The following TXNDC2 variants were observed in gnomAD, a reference collection of about 807,000 sequenced individuals.
TXNDC2 encodes the protein thioredoxin domain-containing protein 2.
Under a neutral mutation model 0.4 loss-of-function variants are expected in TXNDC2, and 1 was observed. The observed-to-expected ratio is 2.30, with a 90% CI of 0.82 to 10.89. The LOEUF (loss-of-function observed/expected upper bound fraction) is 10.89. Ranked by LOEUF, TXNDC2 falls within the 30% of genes most tolerant of loss-of-function variation. TXNDC2 has a pLI of 0.12. For synonymous variants in TXNDC2, 183 were observed against 224.6 expected, an observed-to-expected ratio of 0.81 and a Z score of 1.66; for missense variants, 509 against 579.8, an observed-to-expected ratio of 0.88 and a Z score of 1.25.
rs2068968507 is a variant in TXNDC2, at chr18:9,887,670, C to G, written c.990C>G (p.Ile330Met). 1 of 1,610,560 alleles carries G rather than the reference C, an allele frequency of 6.2e-7. No individual in the cohort carries two copies. Among genetic ancestry groups the G allele is most frequent in the African/African-American group, 1.3e-5 (1 of 74,604 alleles). The change falls in exon 2 of 2, where the codon ATC (isoleucine) becomes ATG (methionine). Residue 330 changes from isoleucine to methionine, a missense_variant. Coordinates refer to ENST00000357775, the MANE Select transcript of TXNDC2 (RefSeq NM_032243.6). ...TTCCCAAGTCCCTAGAGGAAGCCAT[C>G]CCACCCAAGGAGATTGACATCCCCA... ...GDIPKSLEEA[I>M]PPKEIDIPKS...
Position 9,887,775 on chromosome 18 carries a change from T to C in TXNDC2, c.1095T>C (p.Gly365=), listed in dbSNP as rs1411581039. The C allele has an allele frequency of 6.2e-7, 1 of 1,613,408 alleles. No homozygotes were observed. Among genetic ancestry groups the C allele is most frequent in the East Asian group, 2.2e-5 (1 of 44,886 alleles). The stretch of plus-strand genomic sequence containing the variant: ...AAGAAGCCACCCCATCCAAGGAGGG[T>C]GACATCCTAAAGCCTGAAGAAGAAA... The part of the protein sequence containing the change: ...SLEEATPSKE[G]DILKPEEETM... The change falls in exon 2 of 2, where the codon GGT becomes GGC. Residue 365 remains glycine, a synonymous_variant. Transcript: ENST00000357775.
In TXNDC2 at chr18:9,888,922, G is replaced by C. The variant is rs1169776462; in HGVS notation, c.*781G>C. On this transcript the variant is annotated 3_prime_UTR_variant, in exon 2 of 2. Transcript: ENST00000357775. ...TCCTCTGACTTTTTTACTTAAATTT[G>C]TTCTTATTTTCAATATTGAACAAGC... 19 of 152,014 alleles carry C rather than the reference G, an allele frequency of 1.2e-4. No individual in the cohort carries two copies. Among genetic ancestry groups the C allele is most frequent in the African/African-American group, 2.4e-5 (1 of 41,368 alleles). The allele number at this position is 152,014 out of a possible 1,614,324, so 9.4% of individuals were successfully genotyped here.
chr18:9,886,123 A>G, intron 1 of TXNDC2, 43 bp downstream of exon 1: 1 of 1,484,266 alleles, frequency 6.7e-7, no homozygotes, highest in Non-Finnish European at 9.3e-7. Context: ...GATAGCTTGG[A>G]AAAAGTTGGA....
At chr18:9,886,238 A>G in intron 1 of TXNDC2, 158 bp downstream of exon 1, 1 of 1,614,100 alleles carries the variant, frequency 6.2e-7, no homozygotes, top group Non-Finnish European at 8.5e-7. Flanking sequence ...AAAACCAGAA[A>G]TGAGGCTGGG....
rs1599082999 is a variant in TXNDC2, at chr18:9,888,091, T to C, written c.1411T>C (p.Cys471Arg). The change falls in exon 2 of 2, where the codon TGC becomes CGC. Residue 471 changes from cysteine to arginine, a missense_variant. By Grantham distance (180) the Cys-to-Arg change is radical. Around this residue, in one of 5 missense-constraint regions of TXNDC2, gnomAD observed 229 missense variants for 243.8 expected, o/e 0.94. Coordinates refer to ENST00000357775, the MANE Select transcript of TXNDC2 (RefSeq NM_032243.6). ...AAAAGAAGAAAAGGTGGATGAACTT[T>C]GCGGCGCCCTTAAGGAAAAACTTGA... ...YKKEEKVDEL[C>R]GALKEKLEAV... 6.2e-7 allele frequency: 1 copy of C among 1,614,020 alleles called. No individual in the cohort carries two copies. The highest frequency in any genetic ancestry group is 2.2e-5 in the East Asian group (1 of 44,874).
At position 9,887,406 on chromosome 18, in the gene TXNDC2, CAAGGAGGGTG is replaced by C; in HGVS notation, c.728_737del (p.Lys243ThrfsTer21). 6 of 1,027,424 alleles carry C rather than the reference CAAGGAGGGTG, an allele frequency of 5.8e-6. No individual in the cohort carries two copies. The highest frequency in any genetic ancestry group is 8.1e-6 in the Non-Finnish European group (6 of 743,020). The allele number at this position is 1,027,424 out of a possible 1,614,324, so 63.6% of individuals were successfully genotyped here. The stretch of plus-strand genomic sequence containing the variant: ...AGTCCCTAGAGGAAGCCATCCAGCC[CAAGGAGGGTG>C]ACATCCCCAAGTCCCCAGAAGAAGC... On this transcript the variant is annotated frameshift_variant, in exon 2 of 2. Coordinates refer to ENST00000357775, the MANE Select transcript of TXNDC2 (RefSeq NM_032243.6). LOFTEE classifies it low-confidence loss of function (END_TRUNC).
Position 9,886,076 on chromosome 18 carries a change from C to A in TXNDC2, c.-97C>A. On this transcript the variant is annotated 5_prime_UTR_variant, in exon 1 of 2. Transcript: ENST00000357775. ...GGAAAACCAACTGTAACGTGCCACC[C>A]AAATGTAAGTTTTACTCATATTTTG... 1.1e-6 allele frequency: 1 copy of A among 947,994 alleles called. No individual in the cohort carries two copies. The highest frequency in any genetic ancestry group is 1.6e-6 in the Non-Finnish European group (1 of 614,476). 58.7% of individuals were successfully genotyped at this position (947,994 alleles called of 1,614,324 possible). A position where few individuals can be genotyped will look rare whatever the true frequency, so the allele number is the denominator to read the frequency against.
chr18:9,888,028 T>A lies in TXNDC2; in HGVS notation c.1348T>A (p.Cys450Ser). The change falls in exon 2 of 2, where the codon TGC becomes AGC. Residue 450 changes from cysteine (C) to serine (S), a missense_variant. Cys to Ser is a moderately radical substitution (Grantham distance 112, BLOSUM62 -1). This residue lies in a region of TXNDC2 where 229 missense variants were observed against 243.8 expected (regional missense o/e 0.94). Coordinates refer to ENST00000357775, the MANE Select transcript of TXNDC2 (RefSeq NM_032243.6). ...ADNCEEVVRE[C>S]AIMCVPTFQF... ...CAACTGTGAGGAGGTGGTGAGAGAGTGCGCCATCATGTGTGTCCCAACCTT... is the reference window on the plus strand; with the variant it reads ...CAACTGTGAGGAGGTGGTGAGAGAGAGCGCCATCATGTGTGTCCCAACCTT... The A allele has an allele frequency of 6.2e-7, 1 of 1,614,028 alleles. No individual in the cohort carries two copies. Among genetic ancestry groups the A allele is most frequent in the African/African-American group, 1.3e-5 (1 of 74,992 alleles).
rs187743201 is a variant in TXNDC2, at chr18:9,886,889, C to A, written c.209C>A (p.Ser70Tyr). Residue 70 changes from serine to tyrosine, a missense_variant, in exon 2 of 2, where the codon TCC becomes TAC. By Grantham distance (144) the Ser-to-Tyr change is moderately radical. Around this residue, in one of 5 missense-constraint regions of TXNDC2, gnomAD observed 187 missense variants for 218.0 expected, o/e 0.86. Transcript: ENST00000357775. ...TCCAAGAAGGAGGACCTCCCCAAGT[C>A]CTCAGAAAAAGCCATCCAGCCCAAA... ...IQSKKEDLPKSSEKAIQPKES... is the reference protein window; with the variant it reads ...IQSKKEDLPKYSEKAIQPKES... 2 of 1,606,224 alleles carry A rather than the reference C, an allele frequency of 1.2e-6. No individual in the cohort carries two copies. Among genetic ancestry groups the A allele is most frequent in the African/African-American group, 2.7e-5 (2 of 74,152 alleles).
At position 9,888,295 on chromosome 18, in the gene TXNDC2, A is replaced by C; in HGVS notation, c.*154A>C. 1.6e-6 allele frequency: 1 copy of C among 619,318 alleles called. No homozygotes were observed. Among genetic ancestry groups the C allele is most frequent in the Non-Finnish European group, 2.7e-6 (1 of 369,450 alleles). The allele number at this position is 619,318 out of a possible 1,614,324, so 38.4% of individuals were successfully genotyped here. A position where few individuals can be genotyped will look rare whatever the true frequency, so the allele number is the denominator to read the frequency against. ...ATTAACTCTACCCTTTTCAAAAAAC[A>C]GTCCAAGCATTAAAGTACATTGCGA... On this transcript the variant is annotated 3_prime_UTR_variant, in exon 2 of 2. Transcript: ENST00000357775.
chr18:9,887,730 T>C lies in TXNDC2; in HGVS notation c.1050T>C (p.Asp350=). Residue 350 remains aspartate (D), a synonymous_variant, in exon 2 of 2, where the codon GAT becomes GAC. Transcript: ENST00000357775. ...SPEETIQPKE[D]DSPKSLEEAT... is the part of the protein sequence containing the mutation. ...AAGAAACCATCCAGCCCAAGGAGGA[T>C]GACAGCCCCAAGTCCCTAGAAGAAG... 1 of 1,614,074 alleles carries C rather than the reference T, an allele frequency of 6.2e-7. No homozygotes were observed. Among genetic ancestry groups the C allele is most frequent in the East Asian group, 2.2e-5 (1 of 44,890 alleles).
At position 9,887,204 on chromosome 18, in the gene TXNDC2, C is replaced by T; in HGVS notation, c.524C>T (p.Ser175Phe). 3.1e-6 allele frequency: 5 copies of T among 1,592,156 alleles called. No individual in the cohort carries two copies. The highest frequency in any genetic ancestry group is 2.3e-5 in the East Asian group (1 of 44,398). The change falls in exon 2 of 2, where the codon TCC becomes TTC. Residue 175 changes from serine (S) to phenylalanine (F), a missense_variant. Physicochemically the swap from Ser to Phe is radical, Grantham distance 155. This residue lies in a region of TXNDC2 where 187 missense variants were observed against 218.0 expected (regional missense o/e 0.86). Coordinates refer to ENST00000357775, the MANE Select transcript of TXNDC2 (RefSeq NM_032243.6). ...SQPKESDIPK[S>F]PEETIQPKEG... ...CCCAAGGAGAGTGATATCCCCAAGT[C>T]CCCAGAAGAAACCATCCAGCCCAAG...
In TXNDC2 at chr18:9,887,556, C is replaced by T. The variant is rs753150992; in HGVS notation, c.876C>T (p.Ile292=). The T allele has an allele frequency of 4.1e-5, 66 of 1,590,858 alleles. No individual in the cohort carries two copies. Among genetic ancestry groups the T allele is most frequent in the Non-Finnish European group, 5.2e-5 (61 of 1,167,438 alleles). Reference sequence around the variant, plus strand: ...CCATCCAGCCCAAGAAGGGTGACATCCCCAAGTCCCCAGAAGAAGCCATCC... The same window carrying T: ...CCATCCAGCCCAAGAAGGGTGACATTCCCAAGTCCCCAGAAGAAGCCATCC... ...EETIQPKKGD[I]PKSPEEAIQP... Residue 292 remains isoleucine (I), a synonymous_variant, in exon 2 of 2, where the codon ATC becomes ATT. Coordinates refer to ENST00000357775, the MANE Select transcript of TXNDC2 (RefSeq NM_032243.6).
At position 9,886,064 on chromosome 18, in the gene TXNDC2, T is replaced by TA; in HGVS notation, c.-107dup. On this transcript the variant is annotated 5_prime_UTR_variant, in exon 1 of 2. Coordinates refer to ENST00000357775, the MANE Select transcript of TXNDC2 (RefSeq NM_032243.6). ...GAATACAGAGAGGGAAAACCAACTG[T>TA]AACGTGCCACCCAAATGTAAGTTTT... The TA allele has an allele frequency of 1.2e-6, 1 of 838,342 alleles. No homozygotes were observed. The highest frequency in any genetic ancestry group is 1.9e-6 in the Non-Finnish European group (1 of 524,530). The allele number at this position is 838,342 out of a possible 1,614,324, so 51.9% of individuals were successfully genotyped here.
Position 9,887,886 on chromosome 18 carries a change from G to A in TXNDC2, c.1206G>A (p.Arg402=). The A allele has an allele frequency of 3.7e-6, 6 of 1,612,594 alleles. No individual in the cohort carries two copies. The highest frequency in any genetic ancestry group is 5.1e-6 in the Non-Finnish European group (6 of 1,178,848). ...CATCACTGAAGGAGGCCGGGGAGAG[G>A]CTGGTGGCTGTGGACTTCTCGGCCA... ...FEASLKEAGE[R]LVAVDFSATW... The change falls in exon 2 of 2, where the codon AGG becomes AGA. Residue 402 remains arginine, a synonymous_variant. Transcript: ENST00000357775.
At position 9,888,109 on chromosome 18, in the gene TXNDC2, A is replaced by G. The variant is rs2068973425; in HGVS notation, c.1429A>G (p.Lys477Glu). 1.9e-6 allele frequency: 3 copies of G among 1,613,362 alleles called. No homozygotes were observed. The African/African-American group carries it at 4.0e-5, about 22-fold the overall frequency. Residue 477 changes from lysine to glutamate, a missense_variant, in exon 2 of 2, where the codon AAA becomes GAA. Coordinates refer to ENST00000357775, the MANE Select transcript of TXNDC2 (RefSeq NM_032243.6). ...TGAACTTTGCGGCGCCCTTAAGGAA[A>G]AACTTGAAGCAGTCATTGCAGAATT... is the stretch of plus-strand genomic sequence containing the variant. ...VDELCGALKE[K>E]LEAVIAELK
Position 9,887,004 on chromosome 18 carries a change from G to A in TXNDC2, c.324G>A (p.Lys108=), listed in dbSNP as rs376219011. ...PKASVKPSQP[K]EGDIPKAPEE... Reference sequence around the variant, plus strand: ...CCTCAGTGAAGCCCAGCCAGCCCAAGGAGGGTGACATCCCCAAGGCCCCAG... The same window carrying A: ...CCTCAGTGAAGCCCAGCCAGCCCAAAGAGGGTGACATCCCCAAGGCCCCAG... Residue 108 remains lysine, a synonymous_variant, in exon 2 of 2, where the codon AAG becomes AAA. Coordinates refer to ENST00000357775, the MANE Select transcript of TXNDC2 (RefSeq NM_032243.6). 15 of 1,604,434 alleles carry A rather than the reference G, an allele frequency of 9.3e-6. No homozygotes were observed. In the African/African-American group the frequency reaches 2.0e-4, roughly 22 times the overall value.
rs2143213093 is a variant in TXNDC2 at position 9,888,048 on chromosome 18, A to C, written c.1368A>C (p.Pro456=). ...VVRECAIMCV[P]TFQFYKKEEK... is the part of the protein sequence containing the mutation. ...GAGAGTGCGCCATCATGTGTGTCCC[A>C]ACCTTTCAGTTTTATAAAAAAGAAG... The change falls in exon 2 of 2, where the codon CCA becomes CCC. Residue 456 remains proline, a synonymous_variant. Coordinates refer to ENST00000357775, the MANE Select transcript of TXNDC2 (RefSeq NM_032243.6). 6.2e-7 allele frequency: 1 copy of C among 1,614,192 alleles called. No homozygotes were observed. The highest frequency in any genetic ancestry group is 8.5e-7 in the Non-Finnish European group (1 of 1,180,004).
In TXNDC2 at chr18:9,887,732, A is replaced by T; in HGVS notation, c.1052A>T (p.Asp351Val). 1 of 1,614,162 alleles carries T rather than the reference A, an allele frequency of 6.2e-7. No homozygotes were observed. The highest frequency in any genetic ancestry group is 8.5e-7 in the Non-Finnish European group (1 of 1,180,016). ...GAAACCATCCAGCCCAAGGAGGATG[A>T]CAGCCCCAAGTCCCTAGAAGAAGCC... Reference protein sequence around the residue: ...PEETIQPKEDDSPKSLEEATP... With the variant: ...PEETIQPKEDVSPKSLEEATP... Residue 351 changes from aspartate to valine, a missense_variant, in exon 2 of 2, where the codon GAC (aspartate) becomes GTC (valine). Coordinates refer to ENST00000357775, the MANE Select transcript of TXNDC2 (RefSeq NM_032243.6).
Sources: gnomAD v4.1 joint callset for allele counts on GRCh38, gnomAD v4.1.1 for gene constraint, gnomAD v4.1.1 regional missense constraint, MANE v1.5 for transcripts, NCBI Gene and HGNC (gene_info 2026-07-23, HGNC 2026-07-21) for gene names.